Variants in RALYL observed in about 807,000 individuals in gnomAD.
RALYL encodes the protein RALY RNA binding protein like, also known as RNA-binding Raly-like protein.
Under a neutral mutation model 35.1 loss-of-function variants are expected in RALYL, and 29 were observed. The observed-to-expected ratio is 0.83, with a 90% CI of 0.61 to 1.13. The LOEUF (loss-of-function observed/expected upper bound fraction) is 1.13. Among genes scored for constraint, RALYL ranks in the 50% most tolerant of loss-of-function variants. The probability of loss-of-function intolerance (pLI) is 0.00; values close to 1 mark genes in which losing one functional copy is unlikely to be tolerated. For synonymous variants in RALYL, 120 were observed against 127.6 expected, an observed-to-expected ratio of 0.94 and a Z score of 0.40; for missense variants, 359 against 360.4, an observed-to-expected ratio of 1.00 and a Z score of 0.03.
chr8:84,268,635 T>C (rs533038585), intron 1 of RALYL, among the ~76,000 whole-genome samples: 1 of 152,350 alleles, frequency 6.6e-6, no homozygotes, highest in African/African-American at 2.4e-5. Context: ...AGCTACCATT[T>C]TCAATATTAA....
intron 2 of RALYL, among the ~76,000 whole-genome samples, chr8:84,689,468 A>G (rs962097490): frequency 2.0e-5 from 3 of 152,284 alleles, no homozygotes; most frequent in African/African-American, 7.2e-5. Context: ...TTCTTAATCC[A>G]GTCTATCATT....
At chr8:84,302,900 C>T (rs141712438) in intron 1 of RALYL, among the ~76,000 whole-genome samples, 2,542 of 152,236 alleles carry the variant, frequency 0.017, 28 homozygotes, top group Middle Eastern at 0.045. Context: ...TAAGATCTTA[C>T]GTTAGACACC....
chr8:84,490,756 T>G (rs1033227487), intron 1 of RALYL, among the ~76,000 whole-genome samples: 12 of 151,300 alleles, frequency 7.9e-5, no homozygotes, highest in Non-Finnish European at 1.5e-5. Context: ...TGATTGAGGG[T>G]GAATCAGAGA....
intron 1 of RALYL, among the ~76,000 whole-genome samples, chr8:84,253,298 T>G (rs192992151): frequency 6.9e-6 from 1 of 145,828 alleles, no homozygotes; most frequent in African/African-American, 2.5e-5. Context: ...CAAGCTATTC[T>G]CCTGCCTCAG....
chr8:84,703,789 G>A (rs952112249), intron 2 of RALYL, among the ~76,000 whole-genome samples: 1 of 152,092 alleles, frequency 6.6e-6, no homozygotes, highest in African/African-American at 2.4e-5. Context: ...CAGTTTTCGT[G>A]CCTTGTTGGT....
At chr8:84,588,947 G>A (rs1206547885) in intron 2 of RALYL, among the ~76,000 whole-genome samples, 1 of 152,088 alleles carries the variant, frequency 6.6e-6, no homozygotes, top group East Asian at 1.9e-4. Flanking sequence ...TGCCCAGGTG[G>A]AGTGCAATGG....
intron 2 of RALYL, among the ~76,000 whole-genome samples, chr8:84,657,672 G>C (rs1830207157): frequency 1.3e-5 from 2 of 152,148 alleles, no homozygotes; most frequent in Non-Finnish European, 2.9e-5. Flanking sequence ...TAATAGAAGT[G>C]CAAAGAGGCC....
At chr8:84,682,663 A>G (rs937989522) in intron 2 of RALYL, among the ~76,000 whole-genome samples, 1 of 152,080 alleles carries the variant, frequency 6.6e-6, no homozygotes, top group African/African-American at 2.4e-5. Flanking sequence ...GGTATTTTGT[A>G]TTTCTGTGGG....
At chr8:84,849,843 G>C in intron 4 of RALYL, 137 bp from the exon 5 acceptor site, 1 of 512,548 alleles carries the variant, frequency 2.0e-6, no homozygotes, top group Non-Finnish European at 3.5e-6. Context: ...TATCTTGGAA[G>C]GTCCTTTGGA....
intron 2 of RALYL, among the ~76,000 whole-genome samples, chr8:84,557,447 T>G (rs2061204317): frequency 6.6e-6 from 1 of 152,216 alleles, no homozygotes; most frequent in Non-Finnish European, 1.5e-5. Context: ...TGACACAGGC[T>G]GAGGAATTAA....
intron 2 of RALYL, among the ~76,000 whole-genome samples, chr8:84,736,888 A>G (rs1208675086): frequency 6.6e-6 from 1 of 152,054 alleles, no homozygotes; most frequent in Non-Finnish European, 1.5e-5. Flanking sequence ...AACACCTTTA[A>G]AAGAAATATT....
intron 1 of RALYL, among the ~76,000 whole-genome samples, chr8:84,185,839 A>G (rs1812386824): frequency 6.6e-6 from 1 of 152,202 alleles, no homozygotes; most frequent in Non-Finnish European, 1.5e-5. Flanking sequence ...TATAACATAC[A>G]CTGGCTTTTT....
chr8:84,797,511 G>C (rs1296857830), intron 3 of RALYL, among the ~76,000 whole-genome samples: 2 of 152,132 alleles, frequency 1.3e-5, no homozygotes, highest in African/African-American at 4.8e-5. Flanking sequence ...CTCGTTGTTT[G>C]CGGAAGTGTG....
At chr8:84,723,259 A>G (rs1166800355) in intron 2 of RALYL, among the ~76,000 whole-genome samples, 1 of 151,972 alleles carries the variant, frequency 6.6e-6, no homozygotes, top group Non-Finnish European at 1.5e-5. Context: ...TTAGTAGGAA[A>G]AGTTCCAGCT....
At chr8:84,787,548 T>G (rs1000780588) in intron 3 of RALYL, among the ~76,000 whole-genome samples, 1 of 152,178 alleles carries the variant, frequency 6.6e-6, no homozygotes, top group African/African-American at 2.4e-5. Flanking sequence ...GTAATGGGAT[T>G]GCTGAGTCAA....
intron 2 of RALYL, among the ~76,000 whole-genome samples, chr8:84,650,772 C>G (rs1250649157): frequency 6.6e-6 from 1 of 151,588 alleles, no homozygotes; most frequent in Non-Finnish European, 1.5e-5. Flanking sequence ...CACATGCACA[C>G]GTATGTTTAT....
At chr8:84,762,135 A>G (rs1191782313) in intron 2 of RALYL, among the ~76,000 whole-genome samples, 1 of 152,124 alleles carries the variant, frequency 6.6e-6, no homozygotes, top group Non-Finnish European at 1.5e-5. Context: ...AGGATATGAG[A>G]CATGAAGGGC....
chr8:84,784,472 C>G (rs1818907015), intron 3 of RALYL, among the ~76,000 whole-genome samples: 1 of 152,084 alleles, frequency 6.6e-6, no homozygotes, highest in South Asian at 2.1e-4. Context: ...AATTCTATTA[C>G]CTTTGTAAAA....
At chr8:84,209,220 C>A (rs1818837936) in intron 1 of RALYL, among the ~76,000 whole-genome samples, 1 of 150,382 alleles carries the variant, frequency 6.6e-6, no homozygotes, top group Non-Finnish European at 1.5e-5. Flanking sequence ...TGCTGATATT[C>A]CCTGATGTCC....
Sources: gnomAD v4.1 joint callset for allele counts (sites outside exome capture counted in the v4.1 genomes callset) on GRCh38, gnomAD v4.1.1 for gene constraint, MANE v1.5 for transcripts, NCBI Gene and HGNC (gene_info 2026-07-23, HGNC 2026-07-21) for gene names.